UGT8: variants seen among roughly 807,000 people sequenced by gnomAD.
The protein encoded by UGT8 is UDP glycosyltransferase 8.
UGT8 carries 12 observed loss-of-function variants against 40.5 expected under a neutral mutation model. The ratio of observed to expected loss-of-function variants is 0.30; its 90% CI spans 0.19 to 0.48. The LOEUF (loss-of-function observed/expected upper bound fraction) is 0.48, where lower values mean the gene tolerates loss of function less well. Among genes scored for constraint, UGT8 ranks in the 20% least tolerant of loss-of-function variants. UGT8 has a pLI of 0.99. For missense variants in UGT8, 513 were observed against 648.7 expected (o/e 0.79, Z 2.27); for synonymous variants, 224 against 240.4 (o/e 0.93, Z 0.63).
chr4:114,605,983 A>G (rs1730709270), intron 1 of UGT8, among the ~76,000 whole-genome samples: 1 of 152,182 alleles, frequency 6.6e-6, no homozygotes, highest in African/African-American at 2.4e-5. Context: ...AATTTAAAGC[A>G]ATATCAACAT....
At position 114,664,096 on chromosome 4, in the gene UGT8, G is replaced by A; in HGVS notation, c.924G>A (p.Leu308=). ...KYLSEDIANK[L]AGALGRLPQK... Reference sequence around the variant, plus strand: ...TGTCAGAAGACATTGCTAACAAACTGGCAGGAGCTCTGGGGAGATTGCCTC... The same window carrying A: ...TGTCAGAAGACATTGCTAACAAACTAGCAGGAGCTCTGGGGAGATTGCCTC... The change falls in exon 3 of 6, where the codon CTG becomes CTA. Residue 308 remains leucine (L), a synonymous_variant. Transcript: ENST00000310836. 1 of 1,614,000 alleles carries A rather than the reference G, an allele frequency of 6.2e-7. No homozygotes were observed. Among genetic ancestry groups the A allele is most frequent in the Non-Finnish European group, 8.5e-7 (1 of 1,179,966 alleles).
chr4:114,664,400 C>T (rs1030135990), intron 3 of UGT8, among the ~76,000 whole-genome samples: 1 of 152,180 alleles, frequency 6.6e-6, no homozygotes, highest in Non-Finnish European at 1.5e-5. Flanking sequence ...TGCATACTTA[C>T]ATTTCCCTCA....
chr4:114,624,874 C>T (rs917947728), intron 2 of UGT8, among the ~76,000 whole-genome samples: 4 of 152,124 alleles, frequency 2.6e-5, no homozygotes, highest in Admixed American at 6.5e-5. Flanking sequence ...CATGAGGGCA[C>T]ACTTGTTCTC....
chr4:114,611,797 T>A (rs1159483923), intron 1 of UGT8, among the ~76,000 whole-genome samples: 1 of 152,066 alleles, frequency 6.6e-6, no homozygotes, highest in Admixed American at 6.6e-5. Flanking sequence ...TTGCATTTTT[T>A]AAAAATTACA....
chr4:114,632,445 G>A (rs1732636338), intron 2 of UGT8, among the ~76,000 whole-genome samples: 1 of 152,058 alleles, frequency 6.6e-6, no homozygotes, highest in African/African-American at 2.4e-5. Flanking sequence ...ACCACGTGGT[G>A]GATACTAACT....
At chr4:114,650,898 C>CT (rs373664993) in intron 2 of UGT8, among the ~76,000 whole-genome samples, 11 of 149,144 alleles carry the variant, frequency 7.4e-5, no homozygotes, top group African/African-American at 1.5e-4. Context: ...CCTGCAACAC[C>CT]TTTTTTTTTT....
chr4:114,653,317 C>T (rs1733994814), intron 2 of UGT8, among the ~76,000 whole-genome samples: 1 of 152,046 alleles, frequency 6.6e-6, no homozygotes, highest in African/African-American at 2.4e-5. Flanking sequence ...ATATTGTGGC[C>T]TTTGCCTAGC....
chr4:114,623,803 A>G (rs1732009674), intron 2 of UGT8, 101 bp downstream of exon 2: 3 of 1,397,108 alleles, frequency 2.1e-6, no homozygotes, highest in East Asian at 2.5e-5. Context: ...TTGTATATAT[A>G]CAGTACACTA....
intron 2 of UGT8, among the ~76,000 whole-genome samples, chr4:114,655,101 T>C (rs972077321): frequency 2.0e-5 from 3 of 151,854 alleles, no homozygotes; most frequent in Non-Finnish European, 4.4e-5. Context: ...CAGCTTATTA[T>C]GTTATTTAGA....
intron 2 of UGT8, among the ~76,000 whole-genome samples, chr4:114,627,255 CTTTT>C (rs199675716): frequency 7.9e-6 from 1 of 126,790 alleles, no homozygotes. Flanking sequence ...TGAATAGATT[CTTTT>C]TTTTTTTTTT....
At chr4:114,675,803 C>T in intron 5 of UGT8, 122 bp from the exon 6 acceptor site, 1 of 705,564 alleles carries the variant, frequency 1.4e-6, no homozygotes, top group East Asian at 4.2e-5. Context: ...AGTGCTTGTA[C>T]ATGCAAGGTA....
intron 2 of UGT8, among the ~76,000 whole-genome samples, chr4:114,624,702 G>A (rs115052361): frequency 1.4e-4 from 22 of 152,208 alleles, no homozygotes; most frequent in Non-Finnish European, 2.6e-4. Context: ...GAATTTTGTC[G>A]TGAGGCAATA....
rs115875099 is a variant in UGT8 at position 114,670,088 on chromosome 4, T to C, written c.1262+1784T>C. 7.2e-3 allele frequency among the ~76,000 whole-genome samples: 1,098 copies of C among 152,200 alleles called. 16 individuals carry two copies. Among genetic ancestry groups the C allele is most frequent in the African/African-American group, 0.024 (1,016 of 41,516 alleles). On this transcript the variant is annotated intron_variant, in intron 5 of 5. Coordinates refer to ENST00000310836, the MANE Select transcript of UGT8 (RefSeq NM_001128174.3). ...TATGAAGCCAGCATTATCCTGATAC[T>C]AGAACTGGGAAGAGACACACACAAA...
intron 2 of UGT8, among the ~76,000 whole-genome samples, chr4:114,625,994 C>T (rs1187487289): frequency 6.6e-6 from 1 of 151,972 alleles, no homozygotes. Flanking sequence ...ACAGACATGG[C>T]ATGTGTGCAT....
At chr4:114,600,119 G>A (rs1578392450) in intron 1 of UGT8, among the ~76,000 whole-genome samples, 1 of 152,156 alleles carries the variant, frequency 6.6e-6, no homozygotes, top group East Asian at 1.9e-4. Context: ...GGCGTTCTTA[G>A]CAGGAAAATG....
At chr4:114,673,725 A>T (rs1040722623) in intron 5 of UGT8, among the ~76,000 whole-genome samples, 7 of 152,020 alleles carry the variant, frequency 4.6e-5, no homozygotes, top group Non-Finnish European at 5.9e-5. Flanking sequence ...ATTGGATTTT[A>T]TTTTCTAAGA....
chr4:114,607,355 T>C (rs552602734), intron 1 of UGT8, among the ~76,000 whole-genome samples: 14 of 152,178 alleles, frequency 9.2e-5, no homozygotes, highest in Non-Finnish European at 1.8e-4. Context: ...TTAAGTAGTC[T>C]TTCTGTAGTC....
At chr4:114,668,820 G>A (rs958547262) in intron 5 of UGT8, among the ~76,000 whole-genome samples, 1 of 152,088 alleles carries the variant, frequency 6.6e-6, no homozygotes, top group South Asian at 2.1e-4. Context: ...GCAGAAATAC[G>A]GAGATTTATT....
chr4:114,645,344 G>A (rs1449063379), intron 2 of UGT8, among the ~76,000 whole-genome samples: 1 of 152,088 alleles, frequency 6.6e-6, no homozygotes, highest in African/African-American at 2.4e-5. Flanking sequence ...ATCCTATGAG[G>A]TGTAAGAAGT....
Sources: allele counts gnomAD v4.1 joint callset (sites outside exome capture counted in the v4.1 genomes callset), GRCh38; gene constraint gnomAD v4.1.1; transcripts MANE v1.5; gene names NCBI Gene and HGNC (gene_info 2026-07-23, HGNC 2026-07-21).